Variants in ACACA observed in about 807,000 individuals in gnomAD.
The protein encoded by ACACA is acetyl-CoA carboxylase alpha.
Under a neutral mutation model 296.1 loss-of-function variants are expected in ACACA, and 103 were observed. That is an observed-to-expected ratio of 0.35 (90% CI 0.30 to 0.41). The LOEUF is 0.41. Among genes scored for constraint, ACACA ranks in the 10% least tolerant of loss-of-function variants. The probability of loss-of-function intolerance (pLI) is 1.00; values close to 1 mark genes in which losing one functional copy is unlikely to be tolerated. For synonymous variants in ACACA, 953 were observed against 1,038.6 expected, an observed-to-expected ratio of 0.92 and a Z score of 1.58; for missense variants, 1,554 against 2,989.7, an observed-to-expected ratio of 0.52 and a Z score of 11.20.
At chr17:37,087,534 T>G in intron 55 of ACACA, 95 bp from the exon 56 acceptor site, 5 of 1,427,718 alleles carry the variant, frequency 3.5e-6, no homozygotes, top group South Asian at 1.2e-5. Flanking sequence ...GTGTGCACCG[T>G]CCACTGCAGA....
Position 37,146,671 on chromosome 17 carries a change from G to A in ACACA, c.5679+3193C>T, listed in dbSNP as rs528242267. 5.4e-5 allele frequency among the ~76,000 whole-genome samples: 7 copies of A among 128,556 alleles called. No individual in the cohort carries two copies. The East Asian group carries it at 1.5e-3, about 27-fold the overall frequency. The allele number at this position is 128,556 out of a possible 152,430, so 84.3% of individuals were successfully genotyped here. A position where few individuals can be genotyped will look rare whatever the true frequency, so the allele number is the denominator to read the frequency against. Reference sequence around the variant, plus strand: ...AGATGTGTAAGAGGTGGGGGGGAAGGGGGGGGCAGAGGAGGGGATTTGGAG... The same window carrying A: ...AGATGTGTAAGAGGTGGGGGGGAAGAGGGGGGCAGAGGAGGGGATTTGGAG... On this transcript the variant is annotated intron_variant, in intron 45 of 55. Coordinates refer to ENST00000616317, the MANE Select transcript of ACACA (RefSeq NM_198834.3).
chr17:37,372,088 C>T (rs2049827719), intron 1 of ACACA, among the ~76,000 whole-genome samples: 3 of 151,864 alleles, frequency 2.0e-5, no homozygotes, highest in African/African-American at 7.3e-5. Context: ...CAAACCAAAA[C>T]AAATGAACAA....
chr17:37,217,445 A>C (rs2079058632), intron 29 of ACACA, among the ~76,000 whole-genome samples: 2 of 151,268 alleles, frequency 1.3e-5, no homozygotes, highest in Non-Finnish European at 3.0e-5. Flanking sequence ...AAACACAAAA[A>C]ATTGGTTAAA....
Position 37,286,867 on chromosome 17 carries a change from A to G in ACACA, c.339-1897T>C, listed in dbSNP as rs184408861. On this transcript the variant is annotated intron_variant, in intron 3 of 55. Transcript: ENST00000616317. ...CCAAGCTCCTAGTTCTGGTAACACT[A>G]CCTCCCCTTTTGTTCTCCCAGACTT... is the stretch of plus-strand genomic sequence containing the variant. Among the ~76,000 whole-genome samples, 356 of 151,766 alleles carry G rather than the reference A, an allele frequency of 2.3e-3. 4 individuals are homozygous for G. Among genetic ancestry groups the G allele is most frequent in the African/African-American group, 8.0e-3 (331 of 41,368 alleles).
chr17:37,143,952 T>G (rs1390981041), intron 45 of ACACA: 4 of 1,047,584 alleles, frequency 3.8e-6, no homozygotes, highest in Non-Finnish European at 4.5e-6. Context: ...CAGGATGTTC[T>G]CCTTTGATTT....
At chr17:37,311,739 G>T (rs556896843) in intron 3 of ACACA, among the ~76,000 whole-genome samples, 2 of 151,986 alleles carry the variant, frequency 1.3e-5, no homozygotes, top group Admixed American at 1.3e-4. Flanking sequence ...GGGCATGGTG[G>T]CGCGCACCTG....
At chr17:37,233,946 A>T (rs966369667) in intron 25 of ACACA, among the ~76,000 whole-genome samples, 1 of 152,250 alleles carries the variant, frequency 6.6e-6, no homozygotes, top group Non-Finnish European at 1.5e-5. Context: ...ATTCTAAAAA[A>T]TGTGATACGC....
At chr17:37,181,900 C>T (rs1276700516) in intron 39 of ACACA, among the ~76,000 whole-genome samples, 4 of 22,238 alleles carry the variant, frequency 1.8e-4, no homozygotes, top group Non-Finnish European at 3.8e-4. Flanking sequence ...ACTCTGTATC[C>T]AAAAAAAAAA....
intron 47 of ACACA, 90 bp downstream of exon 47, chr17:37,129,275 C>A: frequency 6.5e-7 from 1 of 1,550,180 alleles, no homozygotes. Context: ...TTCTTAGTCA[C>A]ATGTGATTGT....
At chr17:37,373,411 C>A (rs2049878359) in intron 1 of ACACA, among the ~76,000 whole-genome samples, 2 of 152,030 alleles carry the variant, frequency 1.3e-5, no homozygotes, top group South Asian at 4.1e-4. Context: ...CCACTCCTGG[C>A]TAATTTTGTA....
chr17:37,295,507 G>A (rs893445602), intron 3 of ACACA, among the ~76,000 whole-genome samples: 2 of 152,032 alleles, frequency 1.3e-5, no homozygotes, highest in African/African-American at 4.8e-5. Flanking sequence ...GAAAGCACAC[G>A]GCCAGGCACA....
intron 45 of ACACA, chr17:37,141,165 C>A: frequency 1.9e-6 from 1 of 526,036 alleles, no homozygotes; most frequent in Non-Finnish European, 3.7e-6. Flanking sequence ...TCTTCAAAAC[C>A]TCATCCTTGA....
intron 1 of ACACA, among the ~76,000 whole-genome samples, chr17:37,381,238 C>T (rs371424085): frequency 4.5e-4 from 68 of 151,698 alleles, no homozygotes; most frequent in South Asian, 1.7e-3. Flanking sequence ...CAGGCTGGAG[C>T]GCAGTGGCGC....
chr17:37,359,833 C>T (rs1022464391), intron 1 of ACACA, among the ~76,000 whole-genome samples: 3 of 152,044 alleles, frequency 2.0e-5, no homozygotes, highest in Non-Finnish European at 2.9e-5. Context: ...GCTCCTCAGC[C>T]CCGAGACAGC....
intron 42 of ACACA, among the ~76,000 whole-genome samples, chr17:37,159,910 T>A (rs1395359445): frequency 1.3e-5 from 2 of 152,174 alleles, no homozygotes; most frequent in African/African-American, 4.8e-5. Context: ...CAGAAGAAAG[T>A]ATTTCAAGGA....
intron 47 of ACACA, among the ~76,000 whole-genome samples, chr17:37,128,967 G>A (rs898883092): frequency 2.0e-5 from 3 of 152,190 alleles, no homozygotes; most frequent in Admixed American, 6.5e-5. Context: ...GTGCTAAAAC[G>A]AAACTGATTA....
intron 1 of ACACA, chr17:37,377,748 G>A: frequency 1.8e-6 from 1 of 545,322 alleles, no homozygotes; most frequent in Non-Finnish European, 3.2e-6. Flanking sequence ...CAAGTTGCAA[G>A]TTTTATGAGC....
At chr17:37,395,475 A>C (rs966869038) in intron 1 of ACACA, among the ~76,000 whole-genome samples, 2 of 151,474 alleles carry the variant, frequency 1.3e-5, no homozygotes, top group African/African-American at 4.8e-5. Context: ...CTAATATATT[A>C]CTACTACATT....
rs2072529334 is a variant in ACACA at position 37,090,334 on chromosome 17, G to A, written c.6892-1260C>T. The stretch of plus-strand genomic sequence containing the variant: ...AGTTGTGACTGGTTATTTAATGTAT[G>A]TCATTTCATCGACGTCTCTGTTTCT... On this transcript the variant is annotated intron_variant, in intron 54 of 55. Coordinates refer to ENST00000616317, the MANE Select transcript of ACACA (RefSeq NM_198834.3). 2.0e-5 allele frequency among the ~76,000 whole-genome samples: 3 copies of A among 152,192 alleles called. No individual in the cohort carries two copies. In the South Asian group the frequency reaches 6.2e-4, roughly 31 times the overall value.
Sources: allele counts gnomAD v4.1 joint callset (sites outside exome capture counted in the v4.1 genomes callset), GRCh38; gene constraint gnomAD v4.1.1; transcripts MANE v1.5; gene names NCBI Gene and HGNC (gene_info 2026-07-23, HGNC 2026-07-21).